Variants in CORO7 observed in about 807,000 individuals in gnomAD.
CORO7 encodes coronin 7.
A neutral mutation model predicts 126.6 loss-of-function variants in CORO7; 107 were observed. That is an observed-to-expected ratio of 0.85 (90% CI 0.72 to 0.99). The LOEUF is 0.99. Among genes scored for constraint, CORO7 ranks in the 50% least tolerant of loss-of-function variants. CORO7 has a pLI of 0.00. For missense variants in CORO7, 1,314 were observed against 1,255.8 expected, an observed-to-expected ratio of 1.05 and a Z score of -0.70; for synonymous variants, 603 against 536.8, an observed-to-expected ratio of 1.12 and a Z score of -1.70.
Position 4,358,007 on chromosome 16 carries a change from G to A in CORO7, c.2554C>T (p.Pro852Ser). The A allele has an allele frequency of 6.2e-7, 1 of 1,611,986 alleles. No individual in the cohort carries two copies. Among genetic ancestry groups the A allele is most frequent in the Non-Finnish European group, 8.5e-7 (1 of 1,178,596 alleles). Residue 852 changes from proline (P) to serine (S), a missense_variant, in exon 25 of 28, where the codon CCC (proline) becomes TCC (serine). By Grantham distance (74) the Pro-to-Ser change is moderately conservative. Transcript: ENST00000251166. ...EAWLQGANGQ[P>S]WLLSLQPPDM... ...GGAGGCTGCAGGCTGAGAAGCCAGG[G>A]CTGCCCATTAGCGCCTTGCAGCCAG... is the stretch of plus-strand genomic sequence containing the variant.
chr16:4,357,310 T>A lies in CORO7; in HGVS notation c.2594-51A>T, dbSNP rs771560346. Reference sequence around the variant, plus strand: ...AGAGAGTCCCCTTCGTTAGGGCTCTTTGGTGCCAAGCCCTCGGGGATTTCT... The same window carrying A: ...AGAGAGTCCCCTTCGTTAGGGCTCTATGGTGCCAAGCCCTCGGGGATTTCT... On this transcript the variant is annotated intron_variant, in intron 25 of 27. Coordinates refer to ENST00000251166, the MANE Select transcript of CORO7 (RefSeq NM_024535.5). 1.2e-5 allele frequency: 19 copies of A among 1,523,984 alleles called. No individual in the cohort carries two copies. In the Admixed American group the frequency reaches 3.9e-4, roughly 32 times the overall value. The allele number at this position is 1,523,984 out of a possible 1,614,324, so 94.4% of individuals were successfully genotyped here.
At position 4,361,222 on chromosome 16, in the gene CORO7, A is replaced by G. The variant is rs1342910991; in HGVS notation, c.1714T>C (p.Trp572Arg). 6.2e-7 allele frequency: 1 copy of G among 1,612,622 alleles called. No individual in the cohort carries two copies. The highest frequency in any genetic ancestry group is 1.3e-5 in the African/African-American group (1 of 74,922). ...VAGEDARIRL[W>R]RVPAEGLEEV... The stretch of plus-strand genomic sequence containing the variant: ...TCCAGGCCCTCTGCGGGTACCCGCC[A>G]CAGTCGGATCCTGGCGTCCTCACCA... Residue 572 changes from tryptophan (W) to arginine (R), a missense_variant, in exon 18 of 28, where the codon TGG (tryptophan) becomes CGG (arginine). Transcript: ENST00000251166.
chr16:4,371,836 C>G (rs575490289), intron 9 of CORO7: 8 of 152,258 alleles, frequency 5.3e-5, no homozygotes, highest in Non-Finnish European at 1.0e-4. Context: ...CGCGACCTGC[C>G]TCCAGCGAGC....
At chr16:4,407,953 A>G (rs58895165) in intron 4 of CORO7, among the ~76,000 whole-genome samples, 371 of 152,272 alleles carry the variant, frequency 2.4e-3, no homozygotes, top group African/African-American at 8.5e-3. Context: ...TTCTGGCAGC[A>G]TCCCCACCTG....
intron 23 of CORO7, 139 bp downstream of exon 23, chr16:4,359,157 A>T: frequency 2.2e-6 from 2 of 902,336 alleles, no homozygotes; most frequent in Non-Finnish European, 3.2e-6. Context: ...CTTGCCAGTC[A>T]CTGGGCACAG....
At position 4,362,635 on chromosome 16, in the gene CORO7, A is replaced by G. The variant is rs2054218248; in HGVS notation, c.1379T>C (p.Leu460Ser). The G allele has an allele frequency of 1.3e-6, 2 of 1,560,858 alleles. No individual in the cohort carries two copies. The highest frequency in any genetic ancestry group is 2.4e-5 in the South Asian group (2 of 84,580). The change falls in exon 15 of 28, where the codon TTG becomes TCG. Residue 460 changes from leucine to serine, a missense_variant. By Grantham distance (145) the Leu-to-Ser change is moderately radical. Coordinates refer to ENST00000251166, the MANE Select transcript of CORO7 (RefSeq NM_024535.5). The surrounding 1 kb of genome is among the most constrained non-coding windows in gnomAD (Gnocchi z 5.3). ...ACCCAGCAGGCTCTGCAGCGACCTC[A>G]AACTGGGGCTGGTCCCGATGCCACT... is the stretch of plus-strand genomic sequence containing the variant. ...STSGIGTSPSLRSLQSLLGPS... is the reference protein window; with the variant it reads ...STSGIGTSPSSRSLQSLLGPS...
At chr16:4,376,451 G>A (rs963265843) in intron 9 of CORO7, among the ~76,000 whole-genome samples, 2 of 152,176 alleles carry the variant, frequency 1.3e-5, no homozygotes. Context: ...CTGCACCCAC[G>A]CTGAAGCATA....
chr16:4,360,650 A>C (rs1307098927), intron 19 of CORO7, 102 bp from the exon 20 acceptor site: 14 of 1,385,524 alleles, frequency 1.0e-5, no homozygotes, highest in African/African-American at 6.9e-5. Context: ...GCCCCTCCTC[A>C]CTGCTGTTCC....
chr16:4,396,761 A>T (rs1448405860), intron 6 of CORO7, among the ~76,000 whole-genome samples: 1 of 152,176 alleles, frequency 6.6e-6, no homozygotes, highest in Non-Finnish European at 1.5e-5. Flanking sequence ...CACGCCTGTA[A>T]TCCCAGCACT....
At chr16:4,382,983 C>G in intron 9 of CORO7, 1 of 1,383,920 alleles carries the variant, frequency 7.2e-7, no homozygotes, top group East Asian at 2.6e-5. Context: ...CACGTAAGTT[C>G]TCAGTCCCAA....
At chr16:4,378,616 C>T (rs1475729480) in intron 9 of CORO7, among the ~76,000 whole-genome samples, 1 of 152,202 alleles carries the variant, frequency 6.6e-6, no homozygotes, top group Middle Eastern at 3.4e-3. Context: ...TCATCAGACA[C>T]GAGCCCCCCT....
intron 3 of CORO7, among the ~76,000 whole-genome samples, chr16:4,410,899 A>T (rs535988546): frequency 2.2e-4 from 34 of 152,376 alleles, no homozygotes; most frequent in African/African-American, 7.7e-4. Context: ...AAAAACAGGC[A>T]GCCAGCTGGA....
At chr16:4,385,858 G>A (rs1251390700) in intron 9 of CORO7, among the ~76,000 whole-genome samples, 1 of 152,272 alleles carries the variant, frequency 6.6e-6, no homozygotes, top group Non-Finnish European at 1.5e-5. Context: ...GGCACACACT[G>A]TTCTGCCCAA....
intron 9 of CORO7, among the ~76,000 whole-genome samples, chr16:4,371,176 C>G (rs1244563116): frequency 2.0e-5 from 3 of 152,228 alleles, no homozygotes; most frequent in Non-Finnish European, 4.4e-5. Flanking sequence ...CACCACTGCC[C>G]TCCCTGACAC....
intron 6 of CORO7, among the ~76,000 whole-genome samples, chr16:4,396,930 C>T (rs1199297301): frequency 4.0e-5 from 6 of 148,410 alleles, no homozygotes; most frequent in South Asian, 2.1e-4. Context: ...GCAGGAGAAT[C>T]GTTTGAACCT....
chr16:4,412,482 C>G, intron 2 of CORO7, 52 bp from the exon 3 acceptor site: 1 of 1,597,804 alleles, frequency 6.3e-7, no homozygotes, highest in East Asian at 2.2e-5. Context: ...GGCCACCCAC[C>G]TCCTTGCCCA....
intron 14 of CORO7, among the ~76,000 whole-genome samples, chr16:4,363,986 T>C (rs2054267325): frequency 6.6e-6 from 1 of 152,110 alleles, no homozygotes; most frequent in Non-Finnish European, 1.5e-5. Context: ...ACCATTGTAC[T>C]CTAGCCTGGG....
intron 9 of CORO7, among the ~76,000 whole-genome samples, chr16:4,375,601 C>T (rs2054691475): frequency 6.6e-6 from 1 of 152,234 alleles, no homozygotes; most frequent in Non-Finnish European, 1.5e-5. Context: ...CATTCTCCTG[C>T]CTCAGCCTCC....
At chr16:4,405,420 C>G in intron 6 of CORO7, 71 bp downstream of exon 6, 1 of 1,521,748 alleles carries the variant, frequency 6.6e-7, no homozygotes, top group Non-Finnish European at 8.8e-7. Flanking sequence ...GCCTGGAAGG[C>G]CCAGCCCAGG....
Sources: gnomAD v4.1 joint callset for allele counts (sites outside exome capture counted in the v4.1 genomes callset) on GRCh38, gnomAD v4.1.1 for gene constraint, Gnocchi (gnomAD v3.1) non-coding constraint, MANE v1.5 for transcripts, NCBI Gene and HGNC (gene_info 2026-07-23, HGNC 2026-07-21) for gene names.